Variants in SLC39A11 observed in about 807,000 individuals in gnomAD.
The protein encoded by SLC39A11 is solute carrier family 39 member 11.
In SLC39A11, 33 loss-of-function variants were observed where a neutral mutation model predicts 36.1. The ratio of observed to expected loss-of-function variants is 0.91; its 90% CI spans 0.69 to 1.22. The LOEUF (loss-of-function observed/expected upper bound fraction) is 1.22, where lower values mean the gene tolerates loss of function less well. Among genes scored for constraint, SLC39A11 ranks in the 50% most tolerant of loss-of-function variants. SLC39A11 has a pLI of 0.00. For missense variants in SLC39A11, 432 were observed against 430.3 expected (o/e 1.00, Z -0.03); for synonymous variants, 166 against 170.3 (o/e 0.97, Z 0.20).
intron 3 of SLC39A11, among the ~76,000 whole-genome samples, chr17:73,076,705 G>T (rs546192099): frequency 3.3e-5 from 5 of 152,226 alleles, no homozygotes; most frequent in Middle Eastern, 3.4e-3. Context: ...CACTCACTAC[G>T]TGTGCCTAAT....
intron 6 of SLC39A11, among the ~76,000 whole-genome samples, chr17:72,825,573 C>T (rs1241272808): frequency 2.0e-5 from 3 of 152,184 alleles, no homozygotes; most frequent in Admixed American, 6.5e-5. Flanking sequence ...GGTAGATCCA[C>T]TGACAAGTTC....
At chr17:72,687,369 G>C (rs905529344) in intron 7 of SLC39A11, among the ~76,000 whole-genome samples, 1 of 151,978 alleles carries the variant, frequency 6.6e-6, no homozygotes, top group Admixed American at 6.5e-5. Flanking sequence ...TCAGCCTCAC[G>C]AGTAGCTGGG....
At chr17:72,940,916 T>C (rs942276788) in intron 5 of SLC39A11, among the ~76,000 whole-genome samples, 15 of 152,060 alleles carry the variant, frequency 9.9e-5, no homozygotes, top group African/African-American at 3.4e-4. Context: ...ATTTTTAAAG[T>C]GTTAATAAGG....
intron 7 of SLC39A11, among the ~76,000 whole-genome samples, chr17:72,663,174 A>C (rs1221884248): frequency 6.6e-6 from 1 of 152,246 alleles, no homozygotes; most frequent in Non-Finnish European, 1.5e-5. Flanking sequence ...AATGGCCATT[A>C]GCCCATTGGC....
At chr17:72,932,792 A>G (rs1191466803) in intron 5 of SLC39A11, among the ~76,000 whole-genome samples, 1 of 152,206 alleles carries the variant, frequency 6.6e-6, no homozygotes, top group African/African-American at 2.4e-5. Flanking sequence ...CGCTTAGCCT[A>G]TCTTCCCAAA....
chr17:73,085,416 C>T lies in SLC39A11; in HGVS notation c.109-570G>A, dbSNP rs139264684. ...ATCCCAGCACTTTGCGAGGCCAAGG[C>T]AGGTGGATCACCTGAGGTCAGGAAT... On this transcript the variant is annotated intron_variant, in intron 2 of 9. Transcript: ENST00000255559. Among the ~76,000 whole-genome samples, 895 of 152,144 alleles carry T rather than the reference C, an allele frequency of 5.9e-3. 9 individuals carry two copies. The highest frequency in any genetic ancestry group is 0.021 in the African/African-American group (851 of 41,510).
chr17:73,031,262 G>A (rs780929782), intron 4 of SLC39A11, among the ~76,000 whole-genome samples: 11 of 152,100 alleles, frequency 7.2e-5, no homozygotes, highest in Non-Finnish European at 1.3e-4. Context: ...ATCGTTCTAG[G>A]TCCTCTCATA....
At position 72,647,657 on chromosome 17, in the gene SLC39A11, T is replaced by C. The variant is rs756705917; in HGVS notation, c.935A>G (p.Asn312Ser). ...DIIPEAQISG[N>S]GKLASWASIL... ...GGAGGCCCAGGATGCCAGTTTCCCA[T>C]TACCACTGGAAGAGAAGGACAGGAA... The change falls in exon 10 of 10, where the codon AAT becomes AGT. Residue 312 changes from asparagine to serine, a missense_variant. Coordinates refer to ENST00000255559, the MANE Select transcript of SLC39A11 (RefSeq NM_139177.4). The C allele has an allele frequency of 6.2e-7, 1 of 1,613,724 alleles. No individual in the cohort carries two copies. Among genetic ancestry groups the C allele is most frequent in the South Asian group, 1.1e-5 (1 of 91,040 alleles).
chr17:72,708,430 G>A (rs1737980277), intron 7 of SLC39A11, among the ~76,000 whole-genome samples: 1 of 152,194 alleles, frequency 6.6e-6, no homozygotes, highest in Non-Finnish European at 1.5e-5. Context: ...AGCCCACTGT[G>A]TGAATTTGGA....
intron 7 of SLC39A11, among the ~76,000 whole-genome samples, chr17:72,660,213 C>T (rs75483715): frequency 1.2e-4 from 18 of 152,222 alleles, no homozygotes; most frequent in Non-Finnish European, 2.1e-4. Context: ...GGAGACCCCA[C>T]TGCAACCGCC....
At chr17:72,851,771 C>T (rs150777337) in intron 5 of SLC39A11, among the ~76,000 whole-genome samples, 1 of 152,270 alleles carries the variant, frequency 6.6e-6, no homozygotes, top group East Asian at 1.9e-4. Flanking sequence ...TAAGCTATTT[C>T]TATACTTTAT....
chr17:72,932,545 G>C (rs1168541874), intron 5 of SLC39A11, among the ~76,000 whole-genome samples: 1 of 149,042 alleles, frequency 6.7e-6, no homozygotes, highest in Admixed American at 6.8e-5. Flanking sequence ...CTGATTCAGA[G>C]AGTGTTCGGA....
At chr17:73,026,531 AAAAG>A (rs1555683319) in intron 4 of SLC39A11, among the ~76,000 whole-genome samples, 27 of 150,314 alleles carry the variant, frequency 1.8e-4, no homozygotes, top group Non-Finnish European at 2.8e-4. Flanking sequence ...AAAAAAAAAA[AAAAG>A]AAAGAAAGAA....
At chr17:72,871,143 CT>C (rs1173399683) in intron 5 of SLC39A11, among the ~76,000 whole-genome samples, 1 of 149,278 alleles carries the variant, frequency 6.7e-6, no homozygotes, top group Non-Finnish European at 1.5e-5. Flanking sequence ...CTCACTGCGT[CT>C]TCCGCCTCCC....
intron 6 of SLC39A11, among the ~76,000 whole-genome samples, chr17:72,847,667 T>C (rs1377924106): frequency 2.0e-5 from 3 of 152,116 alleles, no homozygotes; most frequent in Non-Finnish European, 4.4e-5. Flanking sequence ...TACTAGAATA[T>C]ATAATATGTA....
At chr17:72,775,547 C>T (rs764483140) in intron 6 of SLC39A11, among the ~76,000 whole-genome samples, 1 of 152,130 alleles carries the variant, frequency 6.6e-6, no homozygotes, top group Non-Finnish European at 1.5e-5. Context: ...GATCTACATG[C>T]TCTCCTAAAG....
chr17:72,791,491 A>C (rs1598750151), intron 6 of SLC39A11, among the ~76,000 whole-genome samples: 1 of 152,218 alleles, frequency 6.6e-6, no homozygotes, highest in African/African-American at 2.4e-5. Context: ...CAGCCACTGC[A>C]CTAAGACAAA....
intron 3 of SLC39A11, among the ~76,000 whole-genome samples, chr17:73,034,832 C>A (rs1462119319): frequency 6.6e-6 from 1 of 152,198 alleles, no homozygotes; most frequent in Non-Finnish European, 1.5e-5. Context: ...AGCACACAAT[C>A]CACAAGCTAT....
At chr17:73,087,191 G>T (rs114599185) in intron 2 of SLC39A11, among the ~76,000 whole-genome samples, 1,704 of 152,236 alleles carry the variant, frequency 0.011, 44 homozygotes, top group African/African-American at 0.039. Flanking sequence ...ACTTATCTTG[G>T]CATCTTATAT....
Sources: allele counts gnomAD v4.1 joint callset (sites outside exome capture counted in the v4.1 genomes callset), GRCh38; gene constraint gnomAD v4.1.1; transcripts MANE v1.5; gene names NCBI Gene and HGNC (gene_info 2026-07-23, HGNC 2026-07-21).